KCNH2: variants seen among roughly 807,000 people sequenced by gnomAD.
KCNH2 encodes potassium voltage-gated channel subfamily H member 2, also known as voltage-gated inwardly rectifying potassium channel KCNH2.
KCNH2 carries 35 observed loss-of-function variants against 95.9 expected under a neutral mutation model. The ratio of observed to expected loss-of-function variants is 0.37; its 90% CI spans 0.28 to 0.48. The LOEUF (loss-of-function observed/expected upper bound fraction) is 0.48. KCNH2 is among the 20% of genes least tolerant of loss of function. The pLI is 0.99. For synonymous variants in KCNH2, 786 were observed against 754.7 expected, an observed-to-expected ratio of 1.04 and a Z score of -0.68; for missense variants, 1,274 against 1,702.9, an observed-to-expected ratio of 0.75 and a Z score of 4.43.
At position 150,950,148 on chromosome 7, in the gene KCNH2, G is replaced by GGGGGGGGGGGCC; in HGVS notation, c.2398+19_2398+20insGGCCCCCCCCCC. On this transcript the variant is annotated intron_variant, in intron 9 of 14. Transcript: ENST00000262186. Reference sequence around the variant, plus strand: ...CTGCAGAGGGCATTTCCAGTCCAGTGCCCGCCCCCCACCCCATACCCAGGA... The same window carrying GGGGGGGGGGGCC: ...CTGCAGAGGGCATTTCCAGTCCAGTGGGGGGGGGGGCCCCCGCCCCCCACCCCATACCCAGGA... The GGGGGGGGGGGCC allele has an allele frequency of 6.3e-7, 1 of 1,581,884 alleles. No homozygotes were observed. Among genetic ancestry groups the GGGGGGGGGGGCC allele is most frequent in the Non-Finnish European group, 8.6e-7 (1 of 1,162,868 alleles).
rs74370982 is a variant in KCNH2, at chr7:150,969,090, G to A, written c.307+5621C>T. On this transcript the variant is annotated intron_variant, in intron 2 of 14. Coordinates refer to ENST00000262186, the MANE Select transcript of KCNH2 (RefSeq NM_000238.4). ...TTTCCTGAGGCCCTGAGCCCATCAT[G>A]CCCCAGAAGGGCTCTCTGGGGGCAA... Among the ~76,000 whole-genome samples the A allele has an allele frequency of 9.3e-3, 1,422 of 152,308 alleles. 20 individuals are homozygous for A. Among genetic ancestry groups the A allele is most frequent in the African/African-American group, 0.032 (1,344 of 41,552 alleles).
rs1047237056 is a variant in KCNH2 at position 150,951,906 on chromosome 7, G to A, written c.1558-71C>T. On this transcript the variant is annotated intron_variant, in intron 6 of 14. Transcript: ENST00000262186. ...GCAAGGGAGGAGGGGAGGTGCTGCG[G>A]CCCTCAGAGCGAGCATCAGAGGTCA... is the stretch of plus-strand genomic sequence containing the variant. 7.9e-6 allele frequency: 11 copies of A among 1,401,210 alleles called. No individual in the cohort carries two copies. The African/African-American group carries it at 1.3e-4, about 16-fold the overall frequency. The allele number at this position is 1,401,210 out of a possible 1,614,324, so 86.8% of individuals were successfully genotyped here.
Position 150,977,880 on chromosome 7 carries a change from T to C in KCNH2, c.34A>G (p.Asn12Asp), listed in dbSNP as rs1412463792. ...CGGATGATGGTGTCCAGGAAGGTGT[T>C]CTGCGGCGCGACGTGGCCCCTCCGC... ...PVRRGHVAPQ[N>D]TFLDTIIRKF... Residue 12 changes from asparagine (N) to aspartate (D), a missense_variant, in exon 1 of 15, where the codon AAC becomes GAC. Asn to Asp is a conservative substitution (Grantham distance 23). Coordinates refer to ENST00000262186, the MANE Select transcript of KCNH2 (RefSeq NM_000238.4). 1.3e-6 allele frequency: 2 copies of C among 1,596,546 alleles called. No individual in the cohort carries two copies. Among genetic ancestry groups the C allele is most frequent in the Admixed American group, 1.7e-5 (1 of 59,396 alleles).
At chr7:150,972,276 C>T (rs956420143) in intron 2 of KCNH2, among the ~76,000 whole-genome samples, 7 of 152,250 alleles carry the variant, frequency 4.6e-5, no homozygotes, top group Admixed American at 6.5e-5. Context: ...TCCCCCTACC[C>T]GAGGCTGGCC....
chr7:150,946,663 T>TGA lies in KCNH2; in HGVS notation c.3330+213_3330+214insTC, dbSNP rs1275618657. Among the ~76,000 whole-genome samples, 1 of 152,214 alleles carries TGA rather than the reference T, an allele frequency of 6.6e-6. No homozygotes were observed. The highest frequency in any genetic ancestry group is 6.5e-5 in the Admixed American group (1 of 15,302). ...TACAGGTTCCCTGCACCCAGCTGTC[T>TGA]AGGGGCTTTGGACGGGGGACTCTCC... On this transcript the variant is annotated intron_variant, in intron 14 of 14. Coordinates refer to ENST00000262186, the MANE Select transcript of KCNH2 (RefSeq NM_000238.4). The surrounding 1 kb of genome is among the most constrained non-coding windows in gnomAD (Gnocchi z 6.5).
chr7:150,947,439 C>T lies in KCNH2; in HGVS notation c.3041G>A (p.Arg1014Gln), dbSNP rs932335536. The change falls in exon 13 of 15, where the codon CGA (arginine) becomes CAA (glutamine). Residue 1014 changes from arginine (R) to glutamine (Q), a missense_variant. Arg to Gln is a conservative substitution (Grantham distance 43). Transcript: ENST00000262186. The part of the protein sequence containing the change: ...SRGRQYQELP[R>Q]CPAPTPSLLN... Reference sequence around the variant, plus strand: ...GAGGCTGGGGGTGGGGGCGGGGCATCGAGGGAGCTCCTGGTACTGGCGGCC... The same window carrying T: ...GAGGCTGGGGGTGGGGGCGGGGCATTGAGGGAGCTCCTGGTACTGGCGGCC... The T allele has an allele frequency of 3.2e-6, 5 of 1,561,000 alleles. No individual in the cohort carries two copies. Among genetic ancestry groups the T allele is most frequent in the African/African-American group, 1.4e-5 (1 of 73,932 alleles).
At chr7:150,955,035 G>A (rs1027335050) in intron 5 of KCNH2, among the ~76,000 whole-genome samples, 3 of 152,284 alleles carry the variant, frequency 2.0e-5, no homozygotes, top group South Asian at 2.1e-4. Context: ...CCCAGCTGTC[G>A]CCTGCCGGCT....
chr7:150,948,389 G>A, intron 11 of KCNH2, 55 bp downstream of exon 11: 1 of 1,418,114 alleles, frequency 7.1e-7, no homozygotes, highest in South Asian at 1.2e-5. Flanking sequence ...CCGCCTTCCA[G>A]CTCCCAGCCT....
chr7:150,969,124 G>C (rs1485125250), intron 2 of KCNH2, among the ~76,000 whole-genome samples: 1 of 152,218 alleles, frequency 6.6e-6, no homozygotes, highest in Non-Finnish European at 1.5e-5. Flanking sequence ...AAGAGAGCTG[G>C]TGCAGTGGCA....
chr7:150,947,967 G>C (rs1800982691), intron 11 of KCNH2, 89 bp from the exon 12 acceptor site: 4 of 1,412,212 alleles, frequency 2.8e-6, no homozygotes, highest in Non-Finnish European at 3.8e-6. Flanking sequence ...GCGAGCCCGA[G>C]AGAGGACTGG....
intron 2 of KCNH2, among the ~76,000 whole-genome samples, chr7:150,965,047 G>A (rs113271547): frequency 6.6e-6 from 1 of 151,890 alleles, no homozygotes; most frequent in Non-Finnish European, 1.5e-5. Flanking sequence ...ACAGAGACAG[G>A]GAGAGAGTGT....
intron 9 of KCNH2, chr7:150,949,963 C>A: frequency 6.5e-7 from 1 of 1,544,262 alleles, no homozygotes. Flanking sequence ...AATGTGGGAA[C>A]CCCAGAGTTC....
intron 2 of KCNH2, among the ~76,000 whole-genome samples, chr7:150,966,038 CAG>C (rs2117034277): frequency 6.6e-6 from 1 of 152,346 alleles, no homozygotes; most frequent in Admixed American, 6.5e-5. Flanking sequence ...TCATGGAACA[CAG>C]AGGCTGAGCA....
At chr7:150,969,014 C>T (rs1801773039) in intron 2 of KCNH2, among the ~76,000 whole-genome samples, 1 of 152,192 alleles carries the variant, frequency 6.6e-6, no homozygotes, top group African/African-American at 2.4e-5. Context: ...CGCTATGATC[C>T]CACTTAGCAA....
rs528953265 is a variant in KCNH2, at chr7:150,972,865, C to A, written c.307+1846G>T. Among the ~76,000 whole-genome samples the A allele has an allele frequency of 3.3e-4, 50 of 152,352 alleles. 1 individual carries two copies. Among genetic ancestry groups the A allele is most frequent in the Non-Finnish European group, 2.9e-5 (2 of 68,042 alleles). ...CCTCTCCAGAAGGGGCCAGCCTAGA[C>A]TGGGAGGGAGGGCCAGCTCCACCTA... On this transcript the variant is annotated intron_variant, in intron 2 of 14. Transcript: ENST00000262186.
At position 150,948,512 on chromosome 7, in the gene KCNH2, G is replaced by A. The variant is rs140743924; in HGVS notation, c.2624C>T (p.Thr875Met). ...CCGACTGAAGCCACCCTCTAACTCC[G>A]TACTGCCGGGGGAGCCCGGGATCAT... The part of the protein sequence containing the change: ...TNMIPGSPGS[T>M]ELEGGFSRQR... The change falls in exon 11 of 15, where the codon ACG (threonine) becomes ATG (methionine). Residue 875 changes from threonine (T) to methionine (M), a missense_variant. Coordinates refer to ENST00000262186, the MANE Select transcript of KCNH2 (RefSeq NM_000238.4). The A allele has an allele frequency of 2.2e-5, 35 of 1,565,862 alleles. No homozygotes were observed. Among genetic ancestry groups the A allele is most frequent in the South Asian group, 5.5e-5 (5 of 90,306 alleles).
rs538419812 is a variant in KCNH2, at chr7:150,949,720, G to A, written c.2398+448C>T. 4.0e-5 allele frequency: 47 copies of A among 1,183,316 alleles called. No homozygotes were observed. The African/African-American group carries it at 7.0e-4, about 18-fold the overall frequency. The allele number at this position is 1,183,316 out of a possible 1,614,324, so 73.3% of individuals were successfully genotyped here. A position where few individuals can be genotyped will look rare whatever the true frequency, so the allele number is the denominator to read the frequency against. ...CCAGACACACCAACCCACCCACTGT[G>A]CACAGGCAGGGTAGAAAGGAAGTGG... On this transcript the variant is annotated intron_variant, in intron 9 of 14. Transcript: ENST00000262186.
intron 5 of KCNH2, chr7:150,955,601 C>T: frequency 6.9e-7 from 1 of 1,440,250 alleles, no homozygotes; most frequent in Non-Finnish European, 9.1e-7. Flanking sequence ...CAGGCTGCAC[C>T]CCCGAGGCTG....
chr7:150,956,519 A>C (rs1338510502), intron 5 of KCNH2, among the ~76,000 whole-genome samples: 2 of 152,130 alleles, frequency 1.3e-5, no homozygotes, highest in African/African-American at 4.8e-5. Flanking sequence ...CAGCCCCCAA[A>C]GGCTAGGATA....
Sources: allele counts gnomAD v4.1 joint callset (sites outside exome capture counted in the v4.1 genomes callset), GRCh38; gene constraint gnomAD v4.1.1; non-coding constraint Gnocchi (gnomAD v3.1); transcripts MANE v1.5; gene names NCBI Gene and HGNC (gene_info 2026-07-23, HGNC 2026-07-21).